TMEM132E: variants seen among roughly 807,000 people sequenced by gnomAD.
TMEM132E encodes transmembrane protein 132E.
Under a neutral mutation model 78.5 loss-of-function variants are expected in TMEM132E, and 49 were observed. The observed-to-expected ratio is 0.62, with a 90% CI of 0.50 to 0.79. TMEM132E has a LOEUF of 0.79. Among genes scored for constraint, TMEM132E ranks in the 30% least tolerant of loss-of-function variants. The pLI is 0.00. For missense variants in TMEM132E, 1,403 were observed against 1,470.9 expected, an observed-to-expected ratio of 0.95 and a Z score of 0.75; for synonymous variants, 715 against 670.6, an observed-to-expected ratio of 1.07 and a Z score of -1.02.
chr17:34,590,258 C>T (rs749251912), intron 1 of TMEM132E, among the ~76,000 whole-genome samples: 17 of 152,206 alleles, frequency 1.1e-4, no homozygotes, highest in Non-Finnish European at 1.9e-4. Context: ...AGGAATCCTC[C>T]CCCCCGGAGC....
In TMEM132E at chr17:34,637,306, C is replaced by G; in HGVS notation, c.2299C>G (p.Arg767Gly). 1 of 1,614,124 alleles carries G rather than the reference C, an allele frequency of 6.2e-7. No individual in the cohort carries two copies. Residue 767 changes from arginine to glycine, a missense_variant, in exon 9 of 9, where the codon CGG (arginine) becomes GGG (glycine). Arg to Gly is a moderately radical substitution (Grantham distance 125). Coordinates refer to ENST00000631683, the MANE Select transcript of TMEM132E (RefSeq NM_001304438.2). ...GCATGTGGCCACTGTGACCCAGGAC[C>G]GGGCCTTCCCTCTGGTAGTGGCTGA... ...DEHVATVTQD[R>G]AFPLVVAEAE...
intron 1 of TMEM132E, among the ~76,000 whole-genome samples, chr17:34,603,355 C>T (rs1232834718): frequency 6.6e-6 from 1 of 152,110 alleles, no homozygotes; most frequent in African/African-American, 2.4e-5. Context: ...GCTGGCTCAA[C>T]CCCCTCTTGT....
intron 5 of TMEM132E, among the ~76,000 whole-genome samples, chr17:34,631,397 G>T (rs978005766): frequency 6.6e-6 from 1 of 152,118 alleles, no homozygotes. Context: ...TGCTCCCAAG[G>T]GCCCTCACCC....
Position 34,629,009 on chromosome 17 carries a change from C to T in TMEM132E, c.1146-3C>T. 1 of 1,551,862 alleles carries T rather than the reference C, an allele frequency of 6.4e-7. No homozygotes were observed. Among genetic ancestry groups the T allele is most frequent in the South Asian group, 1.2e-5 (1 of 80,754 alleles). On this transcript the variant is annotated splice_polypyrimidine_tract_variant and splice_region_variant and intron_variant, in intron 3 of 8. Transcript: ENST00000631683. ...GCTCTCCTTCCCTCCCCTACCCTGGCAGGGAGGGCCAGGGCCCCTTGGAGA... is the reference window on the plus strand; with the variant it reads ...GCTCTCCTTCCCTCCCCTACCCTGGTAGGGAGGGCCAGGGCCCCTTGGAGA...
chr17:34,592,977 C>G (rs536362685), intron 1 of TMEM132E, among the ~76,000 whole-genome samples: 31 of 152,296 alleles, frequency 2.0e-4, no homozygotes, highest in African/African-American at 6.5e-4. Context: ...TCGGCACTGT[C>G]CAATAGAAAT....
intron 6 of TMEM132E, 76 bp from the exon 7 acceptor site, chr17:34,634,723 G>A (rs1207314803): frequency 6.7e-6 from 10 of 1,482,542 alleles, no homozygotes; most frequent in Non-Finnish European, 9.0e-6. Context: ...ACCCAACAGG[G>A]CAAGGGTGCG....
intron 1 of TMEM132E, among the ~76,000 whole-genome samples, chr17:34,603,185 A>T (rs985178770): frequency 2.6e-5 from 4 of 151,902 alleles, no homozygotes; most frequent in Non-Finnish European, 5.9e-5. Context: ...CACAGAGGAG[A>T]CCCTGACCTC....
At chr17:34,612,632 ACAAGTGC>A (rs1206330961) in intron 1 of TMEM132E, among the ~76,000 whole-genome samples, 1 of 152,160 alleles carries the variant, frequency 6.6e-6, no homozygotes, top group Non-Finnish European at 1.5e-5. Flanking sequence ...TCATTCACAC[ACAAGTGC>A]CTGGCAGAGC....
chr17:34,626,133 G>C lies in TMEM132E; in HGVS notation c.74G>C (p.Gly25Ala), dbSNP rs1486472465. 2 of 1,517,484 alleles carry C rather than the reference G, an allele frequency of 1.3e-6. No homozygotes were observed. The highest frequency in any genetic ancestry group is 1.8e-6 in the Non-Finnish European group (2 of 1,137,266). The allele number at this position is 1,517,484 out of a possible 1,614,324, so 94.0% of individuals were successfully genotyped here. The change falls in exon 2 of 9, where the codon GGC (glycine) becomes GCC (alanine). Residue 25 changes from glycine to alanine, a missense_variant. By Grantham distance (60) the Gly-to-Ala change is moderately conservative. This residue lies in a region of TMEM132E where 511 missense variants were observed against 499.0 expected (regional missense o/e 1.02). Transcript: ENST00000631683. Reference sequence around the variant, plus strand: ...TTCCTCTGTCTGTCCCCAGCCTCTGGCCGCTCCCACCCGGCCAGCCCCAGC... The same window carrying C: ...TTCCTCTGTCTGTCCCCAGCCTCTGCCCGCTCCCACCCGGCCAGCCCCAGC... Reference protein sequence around the residue: ...CLSALLAHASGRSHPASPSPP... With the variant: ...CLSALLAHASARSHPASPSPP...
chr17:34,586,505 G>A (rs1252971494), intron 1 of TMEM132E, among the ~76,000 whole-genome samples: 2 of 151,940 alleles, frequency 1.3e-5, no homozygotes, highest in Non-Finnish European at 2.9e-5. Flanking sequence ...CAGAGAAAGG[G>A]GGGACTGAGA....
chr17:34,616,111 G>C (rs754480283), intron 1 of TMEM132E, among the ~76,000 whole-genome samples: 1 of 152,070 alleles, frequency 6.6e-6, no homozygotes, highest in African/African-American at 2.4e-5. Flanking sequence ...TAAGGTGTAC[G>C]GGAGGGACCC....
At chr17:34,631,316 C>T (rs964842859) in intron 5 of TMEM132E, among the ~76,000 whole-genome samples, 4 of 152,114 alleles carry the variant, frequency 2.6e-5, no homozygotes, top group Non-Finnish European at 4.4e-5. Flanking sequence ...GCATCACCCC[C>T]TTCAGAGAAG....
In TMEM132E at chr17:34,605,151, T is replaced by C. The variant is rs1296285255; in HGVS notation, c.68-20976T>C. 3.3e-5 allele frequency among the ~76,000 whole-genome samples: 5 copies of C among 152,330 alleles called. No individual in the cohort carries two copies. In the East Asian group the frequency reaches 9.7e-4, roughly 29 times the overall value. ...CTAAAGAGCTGCCTGTATTTTCTTATGTAATCAGCCATGACGTCCTAAGTG... is the reference window on the plus strand; with the variant it reads ...CTAAAGAGCTGCCTGTATTTTCTTACGTAATCAGCCATGACGTCCTAAGTG... On this transcript the variant is annotated intron_variant, in intron 1 of 8. Coordinates refer to ENST00000631683, the MANE Select transcript of TMEM132E (RefSeq NM_001304438.2).
At chr17:34,588,047 C>A (rs1298182598) in intron 1 of TMEM132E, among the ~76,000 whole-genome samples, 1 of 152,174 alleles carries the variant, frequency 6.6e-6, no homozygotes, top group East Asian at 1.9e-4. Context: ...GCTGTCAGGG[C>A]CCACTGACCC....
At chr17:34,591,419 C>T (rs1027938006) in intron 1 of TMEM132E, among the ~76,000 whole-genome samples, 1 of 152,146 alleles carries the variant, frequency 6.6e-6, no homozygotes. Context: ...ATCCTCCCAC[C>T]TCCACATCCC....
chr17:34,626,991 T>A lies in TMEM132E; in HGVS notation c.932T>A (p.Ile311Asn). 6.2e-7 allele frequency: 1 copy of A among 1,613,864 alleles called. No homozygotes were observed. The highest frequency in any genetic ancestry group is 8.5e-7 in the Non-Finnish European group (1 of 1,180,012). Reference protein sequence around the residue: ...RPLKPGEVLSILLYLAPNSSS... With the variant: ...RPLKPGEVLSNLLYLAPNSSS... ...CTCAAGCCCGGGGAAGTGCTCAGCATCCTCCTCTATCTGGCCCCCAACTCC... is the reference window on the plus strand; with the variant it reads ...CTCAAGCCCGGGGAAGTGCTCAGCAACCTCCTCTATCTGGCCCCCAACTCC... The change falls in exon 2 of 9, where the codon ATC becomes AAC. Residue 311 changes from isoleucine to asparagine, a missense_variant. Coordinates refer to ENST00000631683, the MANE Select transcript of TMEM132E (RefSeq NM_001304438.2).
chr17:34,580,856 G>T lies in TMEM132E; in HGVS notation c.-221G>T. The stretch of plus-strand genomic sequence containing the variant: ...GCTGGGGGAGGTGGAGGCTCCTCCC[G>T]CCCGGAGCTGCGCCCCCACCGGCTC... On this transcript the variant is annotated 5_prime_UTR_variant, in exon 1 of 9. Transcript: ENST00000631683. 2.2e-6 allele frequency: 1 copy of T among 457,208 alleles called. No homozygotes were observed. Among genetic ancestry groups the T allele is most frequent in the South Asian group, 3.8e-5 (1 of 26,258 alleles). The allele number at this position is 457,208 out of a possible 1,614,324, so 28.3% of individuals were successfully genotyped here. A position where few individuals can be genotyped will look rare whatever the true frequency, so the allele number is the denominator to read the frequency against.
intron 1 of TMEM132E, among the ~76,000 whole-genome samples, chr17:34,604,374 G>C (rs1441332267): frequency 6.6e-6 from 1 of 152,148 alleles, no homozygotes; most frequent in Non-Finnish European, 1.5e-5. Flanking sequence ...CGCCAAGAGA[G>C]CCCTTCCCAA....
Position 34,637,762 on chromosome 17 carries a change from A to G in TMEM132E, c.2755A>G (p.Lys919Glu). The change falls in exon 9 of 9, where the codon AAG (lysine) becomes GAG (glutamate). Residue 919 changes from lysine to glutamate, a missense_variant. Physicochemically the swap from Lys to Glu is moderately conservative, Grantham distance 56. This residue lies in a region of TMEM132E where 888 missense variants were observed against 952.8 expected (regional missense o/e 0.93). Coordinates refer to ENST00000631683, the MANE Select transcript of TMEM132E (RefSeq NM_001304438.2). ...CIVFVLRYRH[K>E]RIPPEGQTSM... Reference sequence around the variant, plus strand: ...CGTTTTTGTGCTGCGCTACCGGCACAAGCGCATCCCGCCCGAGGGCCAGAC... The same window carrying G: ...CGTTTTTGTGCTGCGCTACCGGCACGAGCGCATCCCGCCCGAGGGCCAGAC... 1 of 1,613,620 alleles carries G rather than the reference A, an allele frequency of 6.2e-7. No individual in the cohort carries two copies. Among genetic ancestry groups the G allele is most frequent in the Non-Finnish European group, 8.5e-7 (1 of 1,179,992 alleles).
Sources: gnomAD v4.1 joint callset for allele counts (sites outside exome capture counted in the v4.1 genomes callset) on GRCh38, gnomAD v4.1.1 for gene constraint, gnomAD v4.1.1 regional missense constraint, MANE v1.5 for transcripts, NCBI Gene and HGNC (gene_info 2026-07-23, HGNC 2026-07-21) for gene names.